The following IGFL2 variants were observed in gnomAD, a reference collection of about 807,000 sequenced individuals.
IGFL2 encodes the protein insulin growth factor-like family member 2.
A neutral mutation model predicts 13.9 loss-of-function variants in IGFL2; 7 were observed. The observed-to-expected ratio is 0.51, with a 90% CI of 0.29 to 0.95. IGFL2 has a LOEUF of 0.95. Ranked by LOEUF, IGFL2 falls within the 40% of genes least tolerant of loss-of-function variation. The pLI is 0.08. For missense variants in IGFL2, 138 were observed against 147.8 expected, an observed-to-expected ratio of 0.93 and a Z score of 0.34; for synonymous variants, 55 against 55.8, an observed-to-expected ratio of 0.99 and a Z score of 0.07.
the IGFL2 span, among the ~76,000 whole-genome samples, chr19:46,130,670 T>G: frequency 6.6e-6 from 1 of 152,208 alleles, no homozygotes; most frequent in African/African-American, 2.4e-5. Context: ...GAACTAAGAT[T>G]AGAAGAAATT....
downstream of IGFL2, among the ~76,000 whole-genome samples, chr19:46,165,535 A>C (rs1462944617): frequency 6.6e-6 from 1 of 152,104 alleles, no homozygotes; most frequent in South Asian, 2.1e-4. Flanking sequence ...CAGGGAGCAC[A>C]TTAACTAGCA....
chr19:46,200,514 T>TTCTTTTCTTTTC, the IGFL2 span, among the ~76,000 whole-genome samples: 4 of 100,106 alleles, frequency 4.0e-5, 1 homozygote, highest in Non-Finnish European at 6.2e-5. Context: ...CTTTTCTCTT[T>TTCTTTTCTTTTC]TCTTTTCTTT....
the IGFL2 span, among the ~76,000 whole-genome samples, chr19:46,170,568 G>C: frequency 6.6e-6 from 1 of 152,166 alleles, no homozygotes; most frequent in African/African-American, 2.4e-5. Flanking sequence ...CCTGTGGGCT[G>C]GGCAGGACAG....
the IGFL2 span, chr19:46,212,525 C>A: frequency 6.6e-6 from 1 of 152,134 alleles, no homozygotes; most frequent in Non-Finnish European, 1.5e-5. Context: ...TTTTTTCGTC[C>A]TGACCCCAAG....
At chr19:46,148,627 G>A (rs1478817038) in intron 1 of IGFL2, among the ~76,000 whole-genome samples, 1 of 152,164 alleles carries the variant, frequency 6.6e-6, no homozygotes, top group African/African-American at 2.4e-5. Context: ...TCATGATCTG[G>A]TGACCCCAGA....
At chr19:46,192,083 C>G in the IGFL2 span, among the ~76,000 whole-genome samples, 6 of 152,178 alleles carry the variant, frequency 3.9e-5, no homozygotes, top group Non-Finnish European at 8.8e-5. Flanking sequence ...TCACTGTCCT[C>G]TCTGGTGAGA....
chr19:46,132,513 G>A, the IGFL2 span, among the ~76,000 whole-genome samples: 1 of 152,286 alleles, frequency 6.6e-6, no homozygotes, highest in East Asian at 1.9e-4. Context: ...ACAGACAGAT[G>A]ACAGAAAAGT....
At position 46,160,787 on chromosome 19, in the gene IGFL2, T is replaced by A; in HGVS notation, c.247T>A (p.Ser83Thr). The A allele has an allele frequency of 6.2e-7, 1 of 1,614,138 alleles. No homozygotes were observed. The highest frequency in any genetic ancestry group is 8.5e-7 in the Non-Finnish European group (1 of 1,179,998). ...CTGCTTTGAGCTCTGCTGTCTTGAT[T>A]CCTTTGGCCTCACAAACGATTTTGT... ...WPCFELCCLD[S>T]FGLTNDFVVK... Residue 83 changes from serine (S) to threonine (T), a missense_variant, in exon 3 of 4, where the codon TCC becomes ACC. Coordinates refer to ENST00000377693, the MANE Select transcript of IGFL2 (RefSeq NM_001135113.2).
chr19:46,112,873 A>G, the IGFL2 span: 1 of 152,242 alleles, frequency 6.6e-6, no homozygotes, highest in African/African-American at 2.4e-5. Context: ...GAAATACAGT[A>G]CATTAGAGCT....
At chr19:46,151,934 T>C (rs939926011) in intron 1 of IGFL2, among the ~76,000 whole-genome samples, 3 of 152,166 alleles carry the variant, frequency 2.0e-5, no homozygotes, top group African/African-American at 7.2e-5. Context: ...TGATATGGAT[T>C]GCATTGATTC....
chr19:46,190,005 C>CA, the IGFL2 span: 1 of 151,996 alleles, frequency 6.6e-6, no homozygotes, highest in Non-Finnish European at 1.5e-5. Flanking sequence ...TGAATGAGCC[C>CA]TTGGGGCTGA....
the IGFL2 span, among the ~76,000 whole-genome samples, chr19:46,198,866 C>T: frequency 6.6e-6 from 1 of 152,270 alleles, no homozygotes; most frequent in African/African-American, 2.4e-5. Flanking sequence ...GGGAGGGGCT[C>T]CTTGAGGCCA....
intron 1 of IGFL2, among the ~76,000 whole-genome samples, chr19:46,154,741 G>A (rs187408223): frequency 4.1e-4 from 63 of 152,220 alleles, no homozygotes; most frequent in Non-Finnish European, 6.8e-4. Flanking sequence ...GAGCCACTGC[G>A]CCCAGCTGGT....
At chr19:46,186,053 C>T in the IGFL2 span, among the ~76,000 whole-genome samples, 9 of 152,118 alleles carry the variant, frequency 5.9e-5, 1 homozygote, top group Admixed American at 2.6e-4. Context: ...CTCCAGGTCT[C>T]GGGAACCTCC....
chr19:46,140,955 A>G (rs987109132), upstream of IGFL2, among the ~76,000 whole-genome samples: 1 of 152,180 alleles, frequency 6.6e-6, no homozygotes, highest in Non-Finnish European at 1.5e-5. Flanking sequence ...GGAAGGGGGA[A>G]AGTAACCGCT....
At chr19:46,137,138 A>C in the IGFL2 span, 6 of 1,609,040 alleles carry the variant, frequency 3.7e-6, no homozygotes, top group Non-Finnish European at 5.1e-6. Context: ...ACAGGAATGA[A>C]ATGGGGTCTC....
the IGFL2 span, among the ~76,000 whole-genome samples, chr19:46,128,992 T>C: frequency 1.3e-5 from 2 of 152,222 alleles, no homozygotes; most frequent in East Asian, 3.8e-4. Flanking sequence ...TTTTGGTTGG[T>C]AGGCTATTTA....
At chr19:46,146,022 G>T (rs1973118591), upstream of IGFL2, among the ~76,000 whole-genome samples, 1 of 152,042 alleles carries the variant, frequency 6.6e-6, no homozygotes, top group South Asian at 2.1e-4. Context: ...AATGGATAAT[G>T]CTTTTGATGT....
chr19:46,198,658 T>C, the IGFL2 span, among the ~76,000 whole-genome samples: 1 of 152,194 alleles, frequency 6.6e-6, no homozygotes, highest in African/African-American at 2.4e-5. Context: ...GATCACCAGG[T>C]TGACACCATC....
Sources: allele counts gnomAD v4.1 joint callset (sites outside exome capture counted in the v4.1 genomes callset), GRCh38; gene constraint gnomAD v4.1.1; transcripts MANE v1.5; gene names NCBI Gene and HGNC (gene_info 2026-07-23, HGNC 2026-07-21).